The following TRIOBP variants were observed in gnomAD, a reference collection of about 807,000 sequenced individuals.
The protein encoded by TRIOBP is TRIO and F-actin binding protein, also known as TRIO and F-actin-binding protein.
Under a neutral mutation model 238.8 loss-of-function variants are expected in TRIOBP, and 169 were observed. The ratio of observed to expected loss-of-function variants is 0.71; its 90% confidence interval spans 0.62 to 0.80. The LOEUF is 0.80. TRIOBP is among the 30% of genes least tolerant of loss of function. The pLI is 0.00. For synonymous variants in TRIOBP, 1,150 were observed against 1,274.4 expected, an observed-to-expected ratio of 0.90 and a Z score of 2.08; for missense variants, 2,838 against 3,122.6, an observed-to-expected ratio of 0.91 and a Z score of 2.17.
At chr22:37,702,056 T>G (rs1397609116) in intron 3 of TRIOBP, among the ~76,000 whole-genome samples, 4 of 151,922 alleles carry the variant, frequency 2.6e-5, no homozygotes, top group African/African-American at 9.7e-5. Flanking sequence ...TGAGCCGAGA[T>G]CGCGCCATTG....
chr22:37,767,993 A>C, intron 18 of TRIOBP, 81 bp from the exon 19 acceptor site: 2 of 1,039,032 alleles, frequency 1.9e-6, no homozygotes, highest in Non-Finnish European at 3.0e-6. Context: ...CCACCAGTAC[A>C]TGTGGCGTCT....
chr22:37,718,700 T>C (rs1036341368), intron 6 of TRIOBP, among the ~76,000 whole-genome samples: 5 of 151,834 alleles, frequency 3.3e-5, no homozygotes, highest in Non-Finnish European at 5.9e-5. Flanking sequence ...GGGCTCCTCA[T>C]AGGACAAAAA....
At chr22:37,713,520 C>A in intron 5 of TRIOBP, 109 bp downstream of exon 5, 1 of 1,363,834 alleles carries the variant, frequency 7.3e-7, no homozygotes, top group Non-Finnish European at 1.0e-6. Context: ...ACCAGGGAAT[C>A]CGACGAGGTC....
At chr22:37,722,933 T>A (rs997083610) in intron 6 of TRIOBP, among the ~76,000 whole-genome samples, 1 of 152,244 alleles carries the variant, frequency 6.6e-6, no homozygotes, top group African/African-American at 2.4e-5. Flanking sequence ...GCCTTCCAGT[T>A]CTTGAACCCA....
At chr22:37,715,733 A>G (rs556673444) in intron 5 of TRIOBP, 30 bp from the exon 6 acceptor site, 176 of 1,611,388 alleles carry the variant, frequency 1.1e-4, no homozygotes, top group Non-Finnish European at 1.4e-4. Context: ...TTCTCCCGCA[A>G]ACATACTTTC....
At position 37,751,425 on chromosome 22, in the gene TRIOBP, CAG is replaced by C. The variant is rs1271223241; in HGVS notation, c.5323-346_5323-345del. On this transcript the variant is annotated intron_variant, in intron 11 of 23. Transcript: ENST00000644935. Reference sequence around the variant, plus strand: ...TGGTCTGGACTGCCCTCTGAGCTCTCAGGGGGTCTCTATGCAGGCAGAGTCCT... The same window carrying C: ...TGGTCTGGACTGCCCTCTGAGCTCTCGGGGTCTCTATGCAGGCAGAGTCCT... The C allele has an allele frequency of 5.5e-5, 22 of 396,556 alleles. No individual in the cohort carries two copies. In the Admixed American group the frequency reaches 6.1e-4, roughly 11 times the overall value. The allele number at this position is 396,556 out of a possible 1,614,324, so 24.6% of individuals were successfully genotyped here.
In TRIOBP at chr22:37,744,572, G is replaced by T. The variant is rs567106589; in HGVS notation, c.5322+3540G>T. 3.3e-5 allele frequency among the ~76,000 whole-genome samples: 5 copies of T among 152,304 alleles called. No individual in the cohort carries two copies. The South Asian group carries it at 1.0e-3, about 32-fold the overall frequency. On this transcript the variant is annotated intron_variant, in intron 11 of 23. Coordinates refer to ENST00000644935, the MANE Select transcript of TRIOBP (RefSeq NM_001039141.3). Reference sequence around the variant, plus strand: ...GAGTCGCAGGGGCCAGAAAAGCCTGGAGGAGGCTGGTGCTGTTAGGTGCCC... The same window carrying T: ...GAGTCGCAGGGGCCAGAAAAGCCTGTAGGAGGCTGGTGCTGTTAGGTGCCC...
intron 4 of TRIOBP, among the ~76,000 whole-genome samples, chr22:37,711,614 A>G (rs1308781980): frequency 1.3e-5 from 2 of 151,764 alleles, no homozygotes; most frequent in Non-Finnish European, 2.9e-5. Context: ...AAAAACAAAA[A>G]AAAACCCACA....
intron 19 of TRIOBP, 42 bp downstream of exon 19, chr22:37,768,218 T>A (rs1419804268): frequency 1.3e-6 from 2 of 1,542,164 alleles, no homozygotes; most frequent in Non-Finnish European, 1.8e-6. Flanking sequence ...CTGATGGTTA[T>A]GGGTTGAGGA....
chr22:37,725,158 T>G lies in TRIOBP; in HGVS notation c.2602T>G (p.Ser868Ala). 1 of 1,613,996 alleles carries G rather than the reference T, an allele frequency of 6.2e-7. No individual in the cohort carries two copies. The highest frequency in any genetic ancestry group is 8.5e-7 in the Non-Finnish European group (1 of 1,179,986). The change falls in exon 7 of 24, where the codon TCA (serine) becomes GCA (alanine). Residue 868 changes from serine to alanine, a missense_variant. By Grantham distance (99) the Ser-to-Ala change is moderately conservative. This residue lies in a region of TRIOBP where 2,096 missense variants were observed against 2,137.4 expected (regional missense o/e 0.98). Coordinates refer to ENST00000644935, the MANE Select transcript of TRIOBP (RefSeq NM_001039141.3). The stretch of plus-strand genomic sequence containing the variant: ...TCAACGAGACAACCCTGGAACCTCC[T>G]CATCTCAATGCTGCACCCAAAAGGA... Reference protein sequence around the residue: ...SFQRDNPGTSSSQCCTQKENL... With the variant: ...SFQRDNPGTSASQCCTQKENL...
intron 7 of TRIOBP, among the ~76,000 whole-genome samples, chr22:37,730,599 C>G (rs1247450062): frequency 6.6e-6 from 1 of 152,068 alleles, no homozygotes; most frequent in Non-Finnish European, 1.5e-5. Context: ...AAAATTCACT[C>G]TAAGGCCTTC....
At position 37,735,246 on chromosome 22, in the gene TRIOBP, C is replaced by G. The variant is rs374217208; in HGVS notation, c.4910C>G (p.Thr1637Ser). The G allele has an allele frequency of 1.6e-4, 255 of 1,604,026 alleles. No individual in the cohort carries two copies. The highest frequency in any genetic ancestry group is 1.3e-3 in the Middle Eastern group (8 of 6,042). Reference protein sequence around the residue: ...HSQPEGWAEATPVNGHSPALQ... With the variant: ...HSQPEGWAEASPVNGHSPALQ... ...CAGCCAGAAGGCTGGGCCGAGGCCA[C>G]CCCAGTCAATGGACACAGCCCCGCA... The change falls in exon 9 of 24, where the codon ACC (threonine) becomes AGC (serine). Residue 1637 changes from threonine (T) to serine (S), a missense_variant. By Grantham distance (58) the Thr-to-Ser change is moderately conservative (BLOSUM62 1). Transcript: ENST00000644935.
rs536178282 is a variant in TRIOBP at position 37,733,559 on chromosome 22, C to A, written c.4062+147C>A. On this transcript the variant is annotated intron_variant, in intron 8 of 23. Transcript: ENST00000644935. ...AATCATGGGGATCCAGCTCTCCCCT[C>A]TCCCCAACGGCCAGCAGCTCTTGGC... The A allele has an allele frequency of 5.8e-5, 39 of 668,602 alleles. No homozygotes were observed. In the African/African-American group the frequency reaches 6.6e-4, roughly 11 times the overall value. The allele number at this position is 668,602 out of a possible 1,614,324, so 41.4% of individuals were successfully genotyped here.
At chr22:37,716,038 C>T in intron 6 of TRIOBP, 104 bp downstream of exon 6, 12 of 1,271,942 alleles carry the variant, frequency 9.4e-6, no homozygotes, top group Non-Finnish European at 1.3e-5. Flanking sequence ...ACTTTGGTGG[C>T]CTGAGTGTTA....
chr22:37,725,072 C>G lies in TRIOBP; in HGVS notation c.2516C>G (p.Thr839Ser), dbSNP rs751067115. Residue 839 changes from threonine to serine, a missense_variant, in exon 7 of 24, where the codon ACC becomes AGC. By Grantham distance (58) the Thr-to-Ser change is moderately conservative. Coordinates refer to ENST00000644935, the MANE Select transcript of TRIOBP (RefSeq NM_001039141.3). Reference protein sequence around the residue: ...TQQDNPKTSCTKRDNLRPTCT... With the variant: ...TQQDNPKTSCSKRDNLRPTCT... ...CAAGACAACCCTAAAACCTCTTGTACCAAACGAGATAACCTCAGACCCACT... is the reference window on the plus strand; with the variant it reads ...CAAGACAACCCTAAAACCTCTTGTAGCAAACGAGATAACCTCAGACCCACT... 4.3e-6 allele frequency: 7 copies of G among 1,614,210 alleles called. No homozygotes were observed. Among genetic ancestry groups the G allele is most frequent in the Middle Eastern group, 1.6e-4 (1 of 6,062 alleles).
In TRIOBP at chr22:37,723,607, C is replaced by T. The variant is rs374756168; in HGVS notation, c.1051C>T (p.Leu351=). The change falls in exon 7 of 24, where the codon CTG becomes TTG. Residue 351 remains leucine (L), a synonymous_variant. Coordinates refer to ENST00000644935, the MANE Select transcript of TRIOBP (RefSeq NM_001039141.3). ...TTCCTCTCCCTCACGAAGCACCCAA[C>T]TGGATAACCCCAGAACCTCTTCTAC... The part of the protein sequence containing the change: ...RASSPSRSTQ[L]DNPRTSSTQQ... 1 of 1,614,158 alleles carries T rather than the reference C, an allele frequency of 6.2e-7. No homozygotes were observed. Among genetic ancestry groups the T allele is most frequent in the Non-Finnish European group, 8.5e-7 (1 of 1,180,028 alleles).
chr22:37,724,877 G>A lies in TRIOBP; in HGVS notation c.2321G>A (p.Arg774Gln), dbSNP rs771284080. 25 of 1,605,306 alleles carry A rather than the reference G, an allele frequency of 1.6e-5. No individual in the cohort carries two copies. The African/African-American group carries it at 2.1e-4, about 13-fold the overall frequency. Reference sequence around the variant, plus strand: ...GAGAACCTCAGAACATCCTGTACCCGACAGGACAATCCCAGGACCTCCTCT... The same window carrying A: ...GAGAACCTCAGAACATCCTGTACCCAACAGGACAATCCCAGGACCTCCTCT... The part of the protein sequence containing the change: ...QQENLRTSCT[R>Q]QDNPRTSSPN... Residue 774 changes from arginine (R) to glutamine (Q), a missense_variant, in exon 7 of 24, where the codon CGA becomes CAA. Physicochemically the swap from Arg to Gln is conservative, Grantham distance 43. Around this residue, in one of 5 missense-constraint regions of TRIOBP, gnomAD observed 2,096 missense variants for 2,137.4 expected, o/e 0.98. Coordinates refer to ENST00000644935, the MANE Select transcript of TRIOBP (RefSeq NM_001039141.3).
At chr22:37,770,691 C>CTT (rs953236484) in intron 21 of TRIOBP, among the ~76,000 whole-genome samples, 6 of 142,572 alleles carry the variant, frequency 4.2e-5, no homozygotes, top group African/African-American at 1.0e-4. Context: ...TTTTATTTCT[C>CTT]TTTTTTTTTT....
intron 11 of TRIOBP, chr22:37,750,595 C>T (rs891025550): frequency 6.4e-6 from 3 of 469,556 alleles, no homozygotes; most frequent in Admixed American, 4.7e-5. Context: ...AACGCAGCCC[C>T]AGGGGTTCTC....
Sources: allele counts gnomAD v4.1 joint callset (sites outside exome capture counted in the v4.1 genomes callset), GRCh38; gene constraint gnomAD v4.1.1; regional missense constraint gnomAD v4.1.1; transcripts MANE v1.5; gene names NCBI Gene and HGNC (gene_info 2026-07-23, HGNC 2026-07-21).